The following PCDH9 variants were observed in gnomAD, a reference collection of about 807,000 sequenced individuals.
PCDH9 encodes the protein protocadherin 9.
In PCDH9, 24 loss-of-function variants were observed where a neutral mutation model predicts 70.6. The observed-to-expected ratio is 0.34, with a 90% CI of 0.25 to 0.48. PCDH9 has a LOEUF of 0.48. Ranked by LOEUF, PCDH9 falls within the 20% of genes least tolerant of loss-of-function variation. PCDH9 has a pLI of 0.99. For synonymous variants in PCDH9, 562 were observed against 558.5 expected, an observed-to-expected ratio of 1.01 and a Z score of -0.09; for missense variants, 1,281 against 1,503.6, an observed-to-expected ratio of 0.85 and a Z score of 2.45.
chr13:66,851,575 T>TCACACACACACA (rs59674873), intron 3 of PCDH9, among the ~76,000 whole-genome samples: 80 of 146,838 alleles, frequency 5.4e-4, no homozygotes, highest in Middle Eastern at 6.8e-3. Context: ...CGCATCACCC[T>TCACACACACACA]CACACACACA....
chr13:67,177,073 T>A (rs1374993719), intron 2 of PCDH9, among the ~76,000 whole-genome samples: 1 of 152,142 alleles, frequency 6.6e-6, no homozygotes, highest in Non-Finnish European at 1.5e-5. Flanking sequence ...TAAGGAACAC[T>A]GGGTCCAGCC....
At chr13:66,454,517 T>C (rs921178415) in intron 4 of PCDH9, among the ~76,000 whole-genome samples, 1 of 152,212 alleles carries the variant, frequency 6.6e-6, no homozygotes, top group African/African-American at 2.4e-5. Flanking sequence ...CTCTCTTTCC[T>C]AGCCAATGAT....
At chr13:66,406,079 C>T (rs756692257) in intron 4 of PCDH9, among the ~76,000 whole-genome samples, 3 of 152,064 alleles carry the variant, frequency 2.0e-5, no homozygotes, top group Non-Finnish European at 4.4e-5. Context: ...CTGCTTTGGG[C>T]ATGCAGGATT....
chr13:67,109,802 A>G (rs2086619375), intron 2 of PCDH9, among the ~76,000 whole-genome samples: 1 of 152,150 alleles, frequency 6.6e-6, no homozygotes, highest in African/African-American at 2.4e-5. Context: ...TTTTAGGACA[A>G]GCTATTTTTC....
chr13:66,931,199 T>C (rs1288585311), intron 2 of PCDH9, among the ~76,000 whole-genome samples: 2 of 152,210 alleles, frequency 1.3e-5, no homozygotes, highest in South Asian at 2.1e-4. Flanking sequence ...TAGAATGTTA[T>C]GTATTTTTAT....
At chr13:67,211,469 A>T (rs759308688) in intron 2 of PCDH9, 5 of 152,222 alleles carry the variant, frequency 3.3e-5, no homozygotes, top group Non-Finnish European at 7.4e-5. Context: ...TTTTTAAAAT[A>T]CAAATTTTTG....
chr13:66,734,483 GA>G (rs2079118727), intron 3 of PCDH9, among the ~76,000 whole-genome samples: 1 of 152,100 alleles, frequency 6.6e-6, no homozygotes, highest in Non-Finnish European at 1.5e-5. Context: ...GGGATCTTGT[GA>G]ACCCTGCAAA....
At chr13:67,028,033 T>C (rs2084823613) in intron 2 of PCDH9, among the ~76,000 whole-genome samples, 4 of 150,934 alleles carry the variant, frequency 2.7e-5, no homozygotes, top group Admixed American at 2.6e-4. Flanking sequence ...GATCTAGAAC[T>C]AGAAATACCA....
intron 3 of PCDH9, among the ~76,000 whole-genome samples, chr13:66,659,143 A>G (rs754116542): frequency 3.9e-5 from 6 of 152,344 alleles, no homozygotes; most frequent in South Asian, 2.1e-4. Flanking sequence ...TAAAGAAATG[A>G]TAATAATAAC....
At chr13:67,203,833 T>C (rs1221900331) in intron 2 of PCDH9, 1 of 152,020 alleles carries the variant, frequency 6.6e-6, no homozygotes, top group Non-Finnish European at 1.5e-5. Flanking sequence ...ATAATCAATT[T>C]GCAATAATGA....
chr13:66,940,820 A>ATT (rs1248904123), intron 2 of PCDH9, among the ~76,000 whole-genome samples: 1 of 151,716 alleles, frequency 6.6e-6, no homozygotes, highest in Non-Finnish European at 1.5e-5. Context: ...AGAGTCATTC[A>ATT]TTTTTCTTGT....
chr13:66,451,801 A>G (rs1958217844), intron 4 of PCDH9, among the ~76,000 whole-genome samples: 2 of 152,350 alleles, frequency 1.3e-5, no homozygotes, highest in Non-Finnish European at 2.9e-5. Context: ...ATTAATCTAC[A>G]TTTTTAAATT....
intron 2 of PCDH9, among the ~76,000 whole-genome samples, chr13:67,031,261 A>G (rs2084899859): frequency 6.6e-6 from 1 of 152,250 alleles, no homozygotes; most frequent in South Asian, 2.1e-4. Context: ...TTCTAAAATT[A>G]AATTATATAT....
chr13:67,083,814 T>C (rs1016949111), intron 2 of PCDH9, among the ~76,000 whole-genome samples: 1 of 152,208 alleles, frequency 6.6e-6, no homozygotes, highest in Non-Finnish European at 1.5e-5. Context: ...TTTATTAGCA[T>C]GTCCTGGGAA....
chr13:66,938,189 A>T (rs962705725), intron 2 of PCDH9, among the ~76,000 whole-genome samples: 1 of 152,210 alleles, frequency 6.6e-6, no homozygotes, highest in Non-Finnish European at 1.5e-5. Flanking sequence ...ACAAGAGTTC[A>T]ACCACAATGA....
At chr13:67,035,385 C>T (rs917804528) in intron 2 of PCDH9, among the ~76,000 whole-genome samples, 1 of 151,666 alleles carries the variant, frequency 6.6e-6, no homozygotes, top group Non-Finnish European at 1.5e-5. Flanking sequence ...CTCAGAATTC[C>T]CATGTGGTTG....
chr13:66,849,515 T>TAG (rs1315844570), intron 3 of PCDH9, among the ~76,000 whole-genome samples: 168 of 72,476 alleles, frequency 2.3e-3, no homozygotes, highest in African/African-American at 4.7e-3. Flanking sequence ...TATATATATA[T>TAG]ATAGAGAGAG....
chr13:67,020,324 T>C (rs2084650919), intron 2 of PCDH9, among the ~76,000 whole-genome samples: 1 of 152,198 alleles, frequency 6.6e-6, no homozygotes, highest in African/African-American at 2.4e-5. Flanking sequence ...CTACCAACCA[T>C]TAACAAGCTG....
intron 2 of PCDH9, among the ~76,000 whole-genome samples, chr13:67,134,972 A>G (rs1288628263): frequency 6.6e-6 from 1 of 152,146 alleles, no homozygotes; most frequent in East Asian, 1.9e-4. Context: ...TGAAAAGTGA[A>G]AAGTGAAAAC....
Sources: allele counts gnomAD v4.1 joint callset (sites outside exome capture counted in the v4.1 genomes callset), GRCh38; gene constraint gnomAD v4.1.1; transcripts MANE v1.5; gene names NCBI Gene and HGNC (gene_info 2026-07-23, HGNC 2026-07-21).